The following SLC39A8 variants were observed in gnomAD, a reference collection of about 807,000 sequenced individuals.
SLC39A8 encodes the protein metal cation symporter ZIP8.
In SLC39A8, 15 loss-of-function variants were observed where a neutral mutation model predicts 40.4. The ratio of observed to expected loss-of-function variants is 0.37; its 90% confidence interval spans 0.25 to 0.57. The LOEUF (loss-of-function observed/expected upper bound fraction) is 0.57. Ranked by LOEUF, SLC39A8 falls within the 20% of genes least tolerant of loss-of-function variation. The pLI is 0.75. For synonymous variants in SLC39A8, 223 were observed against 221.6 expected (o/e 1.01, Z -0.06); for missense variants, 472 against 558.8 (o/e 0.84, Z 1.57).
chr4:102,296,778 C>T (rs1335219703), intron 6 of SLC39A8, among the ~76,000 whole-genome samples: 1 of 152,058 alleles, frequency 6.6e-6, no homozygotes, highest in East Asian at 1.9e-4. Flanking sequence ...AAAATGGTGA[C>T]AGAGCAAGGA....
Position 102,267,987 on chromosome 4 carries a change from A to G in SLC39A8, c.933T>C (p.Asp311=). 6.2e-7 allele frequency: 1 copy of G among 1,614,246 alleles called. No individual in the cohort carries two copies. Among genetic ancestry groups the G allele is most frequent in the Non-Finnish European group, 8.5e-7 (1 of 1,180,048 alleles). Residue 311 remains aspartate (D), a synonymous_variant, in exon 7 of 9, where the codon GAT becomes GAC. Coordinates refer to ENST00000356736, the MANE Select transcript of SLC39A8 (RefSeq NM_001135146.2). ...GTIAWMITLC[D]ALHNFIDGLA... ...GGCCATCGATGAAATTGTGGAGGGC[A>G]TCGCAGAGCGTTATCATCCAGGCAA...
intron 3 of SLC39A8, 89 bp from the exon 4 acceptor site, chr4:102,307,694 T>C: frequency 7.6e-7 from 1 of 1,315,400 alleles, no homozygotes. Context: ...AAAGTGTCTT[T>C]AAAAGCTTAA....
chr4:102,277,055 A>C (rs1469252200), intron 6 of SLC39A8, among the ~76,000 whole-genome samples: 1 of 152,216 alleles, frequency 6.6e-6, no homozygotes, highest in East Asian at 1.9e-4. Flanking sequence ...AAAAGCTGGA[A>C]GCAGTCCCTT....
At chr4:102,322,769 A>C (rs1017431423) in intron 2 of SLC39A8, among the ~76,000 whole-genome samples, 2 of 152,162 alleles carry the variant, frequency 1.3e-5, no homozygotes, top group African/African-American at 4.8e-5. Flanking sequence ...ATTCCCAATA[A>C]GGAAAGTGCT....
chr4:102,308,653 A>G (rs1734295027), intron 3 of SLC39A8, among the ~76,000 whole-genome samples: 2 of 152,112 alleles, frequency 1.3e-5, no homozygotes, highest in African/African-American at 4.8e-5. Context: ...TACACAAAGT[A>G]CAGTGTGACA....
chr4:102,297,750 C>A (rs1733743665), intron 6 of SLC39A8, among the ~76,000 whole-genome samples: 2 of 151,938 alleles, frequency 1.3e-5, no homozygotes, highest in Admixed American at 6.6e-5. Context: ...GACCCCATTT[C>A]TACACAAAAA....
chr4:102,338,435 C>T (rs1196402983), intron 2 of SLC39A8, among the ~76,000 whole-genome samples: 4 of 152,160 alleles, frequency 2.6e-5, no homozygotes, highest in African/African-American at 9.7e-5. Flanking sequence ...ATCTGCCCCC[C>T]TCAGCCTCCC....
chr4:102,312,274 C>A lies in SLC39A8; in HGVS notation c.382+3394G>T, dbSNP rs930702851. Among the ~76,000 whole-genome samples, 3 of 152,030 alleles carry A rather than the reference C, an allele frequency of 2.0e-5. No individual in the cohort carries two copies. The East Asian group carries it at 5.8e-4, about 29-fold the overall frequency. On this transcript the variant is annotated intron_variant, in intron 3 of 8. Coordinates refer to ENST00000356736, the MANE Select transcript of SLC39A8 (RefSeq NM_001135146.2). ...TGGAAACATTTCCATATCTTCTCCC[C>A]CCGATCCCACTCCACTCCAGCCTCA...
chr4:102,313,673 T>C (rs1734540696), intron 3 of SLC39A8, among the ~76,000 whole-genome samples: 1 of 152,108 alleles, frequency 6.6e-6, no homozygotes. Flanking sequence ...CACTGCAGCC[T>C]TGACCTCCTA....
At chr4:102,315,577 A>G in intron 3 of SLC39A8, 91 bp downstream of exon 3, 1 of 1,117,882 alleles carries the variant, frequency 8.9e-7, no homozygotes. Context: ...ATTAATTAAA[A>G]GCAATAAAGC....
In SLC39A8 at chr4:102,262,751, G is replaced by C; in HGVS notation, c.*293C>G. 1.8e-6 allele frequency: 2 copies of C among 1,082,924 alleles called. No individual in the cohort carries two copies. The highest frequency in any genetic ancestry group is 2.2e-6 in the Non-Finnish European group (2 of 891,456). The allele number at this position is 1,082,924 out of a possible 1,614,324, so 67.1% of individuals were successfully genotyped here. On this transcript the variant is annotated 3_prime_UTR_variant, in exon 9 of 9. Transcript: ENST00000356736. ...CTGAGTGTCTACATGATTATAGAATGCATGTCTCTTGCTTCATGGTGATAT... is the reference window on the plus strand; with the variant it reads ...CTGAGTGTCTACATGATTATAGAATCCATGTCTCTTGCTTCATGGTGATAT...
At chr4:102,296,720 C>A (rs1473874550) in intron 6 of SLC39A8, among the ~76,000 whole-genome samples, 2 of 152,034 alleles carry the variant, frequency 1.3e-5, no homozygotes, top group African/African-American at 4.8e-5. Flanking sequence ...AACTGCCTTG[C>A]AAGAAAAGGA....
chr4:102,259,027 C>T (rs1460895635), downstream of SLC39A8, among the ~76,000 whole-genome samples: 1 of 152,198 alleles, frequency 6.6e-6, no homozygotes, highest in Non-Finnish European at 1.5e-5. Context: ...AACAACTCTC[C>T]TCACTTCACC....
intron 3 of SLC39A8, among the ~76,000 whole-genome samples, chr4:102,314,446 A>ACC (rs1734572194): frequency 6.6e-6 from 1 of 152,056 alleles, no homozygotes; most frequent in Non-Finnish European, 1.5e-5. Context: ...ACTTCACACT[A>ACC]CATTCAGAAT....
chr4:102,263,916 A>T (rs1023058288), intron 8 of SLC39A8, among the ~76,000 whole-genome samples: 12 of 152,178 alleles, frequency 7.9e-5, no homozygotes, highest in African/African-American at 1.4e-4. Context: ...TCCCATCTTC[A>T]GTCTCCACTT....
chr4:102,282,882 A>C (rs973212831), intron 6 of SLC39A8, among the ~76,000 whole-genome samples: 1 of 152,148 alleles, frequency 6.6e-6, no homozygotes, highest in Non-Finnish European at 1.5e-5. Flanking sequence ...GCGTGCCACC[A>C]TGCCTGGCTA....
At chr4:102,327,494 TC>T (rs1735265326) in intron 2 of SLC39A8, among the ~76,000 whole-genome samples, 1 of 152,196 alleles carries the variant, frequency 6.6e-6, no homozygotes, top group African/African-American at 2.4e-5. Flanking sequence ...CTCCTGTCTG[TC>T]CTGCAAGGCC....
At chr4:102,328,871 C>CA (rs1226881181) in intron 2 of SLC39A8, among the ~76,000 whole-genome samples, 5 of 151,744 alleles carry the variant, frequency 3.3e-5, no homozygotes, top group African/African-American at 1.2e-4. Flanking sequence ...TAAAAAAATA[C>CA]AAAAAAATTA....
At chr4:102,265,773 T>C (rs1226476637) in intron 8 of SLC39A8, among the ~76,000 whole-genome samples, 1 of 152,206 alleles carries the variant, frequency 6.6e-6, no homozygotes, top group Non-Finnish European at 1.5e-5. Flanking sequence ...ACTGAAGTAG[T>C]ATTTTTCTCC....
Sources: allele counts gnomAD v4.1 joint callset (sites outside exome capture counted in the v4.1 genomes callset), GRCh38; gene constraint gnomAD v4.1.1; transcripts MANE v1.5; gene names NCBI Gene and HGNC (gene_info 2026-07-23, HGNC 2026-07-21).